Variants in IPO8 observed in about 807,000 individuals in gnomAD.
IPO8 encodes importin 8.
A neutral mutation model predicts 141.2 loss-of-function variants in IPO8; 65 were observed. That is an observed-to-expected ratio of 0.46 (90% CI 0.38 to 0.57). The LOEUF is 0.57. Among genes scored for constraint, IPO8 ranks in the 20% least tolerant of loss-of-function variants. The pLI, the probability that IPO8 is intolerant of heterozygous loss-of-function variation, is 0.00. For missense variants in IPO8, 980 were observed against 1,246.8 expected, an observed-to-expected ratio of 0.79 and a Z score of 3.22; for synonymous variants, 411 against 420.3, an observed-to-expected ratio of 0.98 and a Z score of 0.27.
Position 30,674,007 on chromosome 12 carries a change from C to T in IPO8, c.892G>A (p.Ala298Thr). 6.3e-7 allele frequency: 1 copy of T among 1,587,626 alleles called. No homozygotes were observed. Among genetic ancestry groups the T allele is most frequent in the Non-Finnish European group, 8.6e-7 (1 of 1,160,770 alleles). Residue 298 changes from alanine (A) to threonine (T), a missense_variant, in exon 8 of 25, where the codon GCA (alanine) becomes ACA (threonine). Coordinates refer to ENST00000256079, the MANE Select transcript of IPO8 (RefSeq NM_006390.4). The stretch of plus-strand genomic sequence containing the variant: ...TTTATTACCTGCTGAATGCCCACTG[C>T]ATAGGTTTTCAAAAAGAATTCAGAA... ...EFSEFFLKTY[A>T]VGIQQVLLKI...
At chr12:30,645,128 C>T (rs1016316602) in intron 20 of IPO8, among the ~76,000 whole-genome samples, 3 of 151,730 alleles carry the variant, frequency 2.0e-5, no homozygotes, top group Non-Finnish European at 4.4e-5. Flanking sequence ...AATCCCAGCA[C>T]TTTGGGGGGC....
chr12:30,639,875 TTTAAAAGA>T, intron 20 of IPO8, 140 bp from the exon 21 acceptor site: 1 of 629,938 alleles, frequency 1.6e-6, no homozygotes, highest in Non-Finnish European at 2.8e-6. Context: ...TTTAGAGGTA[TTTAAAAGA>T]TTTATATTAT....
chr12:30,654,615 A>T (rs1469634889), intron 17 of IPO8, among the ~76,000 whole-genome samples: 1 of 152,136 alleles, frequency 6.6e-6, no homozygotes, highest in Non-Finnish European at 1.5e-5. Context: ...GTATACAAAA[A>T]AATATTTTAA....
At chr12:30,637,488 G>C (rs2052518796) in intron 21 of IPO8, among the ~76,000 whole-genome samples, 2 of 152,212 alleles carry the variant, frequency 1.3e-5, no homozygotes, top group East Asian at 1.9e-4. Context: ...TAATAAAGCA[G>C]AAATACCTAT....
chr12:30,636,055 T>C (rs2052496542), intron 22 of IPO8, among the ~76,000 whole-genome samples: 1 of 152,056 alleles, frequency 6.6e-6, no homozygotes. Flanking sequence ...GCAACACTTC[T>C]AATAAAGAAG....
intron 9 of IPO8, among the ~76,000 whole-genome samples, 197 bp from the exon 10 acceptor site, chr12:30,669,479 C>T (rs2053017698): frequency 6.6e-6 from 1 of 151,898 alleles, no homozygotes; most frequent in Non-Finnish European, 1.5e-5. Context: ...CCATTTTAGT[C>T]CTAAATGTCC....
At chr12:30,690,360 G>T in intron 2 of IPO8, 136 bp downstream of exon 2, 1 of 591,868 alleles carries the variant, frequency 1.7e-6, no homozygotes, top group Non-Finnish European at 2.9e-6. Flanking sequence ...AGTGAGTTTT[G>T]AAGTCACTGG....
intron 22 of IPO8, among the ~76,000 whole-genome samples, chr12:30,636,154 A>T (rs2052497716): frequency 6.6e-6 from 1 of 152,108 alleles, no homozygotes; most frequent in Admixed American, 6.5e-5. Flanking sequence ...GGTAGTTTAT[A>T]ATCTCTGGTA....
intron 5 of IPO8, chr12:30,677,110 C>T: frequency 6.7e-7 from 1 of 1,494,026 alleles, no homozygotes; most frequent in Non-Finnish European, 8.9e-7. Flanking sequence ...ACAAAACATG[C>T]TACATGCTAC....
rs1253938442 is a variant in IPO8, at chr12:30,669,158, T to G, written c.1144+25A>C. The G allele has an allele frequency of 1.7e-5, 17 of 1,008,104 alleles. 1 individual carries two copies. The highest frequency in any genetic ancestry group is 1.1e-4 in the African/African-American group (7 of 61,812). The allele number at this position is 1,008,104 out of a possible 1,614,324, so 62.4% of individuals were successfully genotyped here. Reference sequence around the variant, plus strand: ...ATTACTTTACATATCCAGGAACTGATGAGAAATAAAACCATCTCAATTACC... The same window carrying G: ...ATTACTTTACATATCCAGGAACTGAGGAGAAATAAAACCATCTCAATTACC... On this transcript the variant is annotated intron_variant, in intron 10 of 24. Transcript: ENST00000256079.
intron 7 of IPO8, 139 bp downstream of exon 7, chr12:30,674,520 T>G: frequency 1.5e-6 from 1 of 683,766 alleles, no homozygotes; most frequent in African/African-American, 1.8e-5. Context: ...CACTTCATTA[T>G]GATCTCAAAG....
rs540744895 is a variant in IPO8, at chr12:30,657,610, T to C, written c.1882-860A>G. ...GGCCATTCATTCATTTCAGCAATGT[T>C]TGTGATTACTAGCAATCAAATGCCC... is the stretch of plus-strand genomic sequence containing the variant. On this transcript the variant is annotated intron_variant, in intron 16 of 24. Transcript: ENST00000256079. Among the ~76,000 whole-genome samples the C allele has an allele frequency of 2.0e-4, 31 of 152,312 alleles. 1 individual carries two copies. In the South Asian group the frequency reaches 6.0e-3, roughly 30 times the overall value.
In IPO8 at chr12:30,652,979, C is replaced by T; in HGVS notation, c.2062G>A (p.Glu688Lys). 1 of 1,608,746 alleles carries T rather than the reference C, an allele frequency of 6.2e-7. No individual in the cohort carries two copies. Among genetic ancestry groups the T allele is most frequent in the Non-Finnish European group, 8.5e-7 (1 of 1,177,852 alleles). ...GTCAAAGCCATACCTGTAAAGTATT[C>T]AAAGCAATCCTGCTGAAACACTTCA... Reference protein sequence around the residue: ...LYEVFQQDCFEYFTDMMPLLH... With the variant: ...LYEVFQQDCFKYFTDMMPLLH... Residue 688 changes from glutamate to lysine, a missense_variant, in exon 18 of 25, where the codon GAA becomes AAA. Physicochemically the swap from Glu to Lys is moderately conservative, Grantham distance 56 (BLOSUM62 1). Around this residue, in one of 3 missense-constraint regions of IPO8, gnomAD observed 924 missense variants for 1,153.9 expected, o/e 0.80. Coordinates refer to ENST00000256079, the MANE Select transcript of IPO8 (RefSeq NM_006390.4).
At chr12:30,685,900 CAAAAAAAAA>C (rs397849869) in intron 2 of IPO8, among the ~76,000 whole-genome samples, 1 of 88,016 alleles carries the variant, frequency 1.1e-5, no homozygotes, top group African/African-American at 3.9e-5. Flanking sequence ...AAGACTCTGT[CAAAAAAAAA>C]AAAAAAAAAA....
intron 14 of IPO8, 113 bp from the exon 15 acceptor site, chr12:30,662,600 GAT>G: frequency 1.3e-6 from 1 of 750,248 alleles, no homozygotes; most frequent in Non-Finnish European, 2.3e-6. Flanking sequence ...TCAGGTTCTA[GAT>G]ACACACTTGC....
chr12:30,679,216 G>T (rs552420244), intron 5 of IPO8, among the ~76,000 whole-genome samples: 1 of 152,170 alleles, frequency 6.6e-6, no homozygotes, highest in Non-Finnish European at 1.5e-5. Context: ...TGTAATAGTG[G>T]CTCCTAATGC....
chr12:30,648,475 A>G (rs1441797295), intron 20 of IPO8, among the ~76,000 whole-genome samples: 1 of 152,196 alleles, frequency 6.6e-6, no homozygotes, highest in Non-Finnish European at 1.5e-5. Context: ...AAATTGTGTA[A>G]CAGTTGCACA....
At position 30,690,644 on chromosome 12, in the gene IPO8, G is replaced by A. The variant is rs12300075; in HGVS notation, c.85-67C>T. 3,394 of 806,822 alleles carry A rather than the reference G, an allele frequency of 4.2e-3. 75 individuals are homozygous for A. The African/African-American group carries it at 0.053, about 13-fold the overall frequency. 50.0% of individuals were successfully genotyped at this position (806,822 alleles called of 1,614,324 possible). A position where few individuals can be genotyped will look rare whatever the true frequency, so the allele number is the denominator to read the frequency against. On this transcript the variant is annotated intron_variant, in intron 1 of 24. Transcript: ENST00000256079. ...AGTGAGTAGCTTATAAGTTAGCACC[G>A]GTTACTGAATACATTACTGTCCAAA... is the stretch of plus-strand genomic sequence containing the variant.
intron 12 of IPO8, 100 bp from the exon 13 acceptor site, chr12:30,665,409 T>C (rs1242870643): frequency 1.4e-6 from 1 of 736,960 alleles, no homozygotes; most frequent in African/African-American, 1.8e-5. Flanking sequence ...AATATACTTC[T>C]AATTTTGTAA....
Sources: gnomAD v4.1 joint callset for allele counts (sites outside exome capture counted in the v4.1 genomes callset) on GRCh38, gnomAD v4.1.1 for gene constraint, gnomAD v4.1.1 regional missense constraint, MANE v1.5 for transcripts, NCBI Gene and HGNC (gene_info 2026-07-23, HGNC 2026-07-21) for gene names.